Variants in GLRB observed in about 807,000 individuals in gnomAD.
GLRB encodes glycine receptor beta.
GLRB carries 33 observed loss-of-function variants against 54.2 expected under a neutral mutation model. The ratio of observed to expected loss-of-function variants is 0.61; its 90% CI spans 0.46 to 0.81. The LOEUF is 0.81. Ranked by LOEUF, GLRB falls within the 40% of genes least tolerant of loss-of-function variation. The probability of loss-of-function intolerance (pLI) is 0.00; values close to 1 mark genes in which losing one functional copy is unlikely to be tolerated. For synonymous variants in GLRB, 209 were observed against 208.2 expected, an observed-to-expected ratio of 1.00 and a Z score of -0.03; for missense variants, 572 against 584.6, an observed-to-expected ratio of 0.98 and a Z score of 0.22.
chr4:157,114,573 G>A (rs1735538690), intron 2 of GLRB, among the ~76,000 whole-genome samples: 2 of 151,572 alleles, frequency 1.3e-5, no homozygotes, highest in East Asian at 1.9e-4. Flanking sequence ...TTTACCTTAA[G>A]TCGTTTTCTG....
At chr4:157,154,663 G>A (rs1318895760) in intron 9 of GLRB, among the ~76,000 whole-genome samples, 2 of 151,980 alleles carry the variant, frequency 1.3e-5, no homozygotes, top group African/African-American at 2.4e-5. Context: ...CTGACCTCAG[G>A]TGATCCGCCC....
chr4:157,103,939 T>G (rs1328099040), intron 2 of GLRB, among the ~76,000 whole-genome samples: 5 of 148,626 alleles, frequency 3.4e-5, no homozygotes, highest in African/African-American at 7.4e-5. Flanking sequence ...GTGTGTGTGT[T>G]TGTGTGTGTG....
At chr4:157,084,835 A>T (rs1046813381) in intron 2 of GLRB, 5 of 346,554 alleles carry the variant, frequency 1.4e-5, no homozygotes, top group Non-Finnish European at 2.2e-5. Flanking sequence ...TCTTCTATTC[A>T]TTAAGAGATG....
intron 2 of GLRB, among the ~76,000 whole-genome samples, chr4:157,109,808 A>T (rs758521627): frequency 2.0e-5 from 3 of 151,968 alleles, no homozygotes; most frequent in Non-Finnish European, 4.4e-5. Flanking sequence ...TTACCCATTT[A>T]TTGTGAAGGA....
intron 4 of GLRB, among the ~76,000 whole-genome samples, chr4:157,123,361 G>A (rs1361448346): frequency 6.6e-6 from 1 of 151,696 alleles, no homozygotes; most frequent in South Asian, 2.1e-4. Flanking sequence ...ATTATTCCTA[G>A]TAGCAGCAGC....
chr4:157,104,617 A>G (rs1208336982), intron 2 of GLRB, among the ~76,000 whole-genome samples: 3 of 151,842 alleles, frequency 2.0e-5, no homozygotes, highest in Admixed American at 2.0e-4. Context: ...TTTCTGGAAG[A>G]TTTTGAGAAG....
rs370084715 is a variant in GLRB, at chr4:157,169,146, A to G, written c.1198-1286A>G. 9.9e-5 allele frequency among the ~76,000 whole-genome samples: 15 copies of G among 152,238 alleles called. No individual in the cohort carries two copies. The East Asian group carries it at 2.3e-3, about 23-fold the overall frequency. On this transcript the variant is annotated intron_variant, in intron 9 of 9. Coordinates refer to ENST00000264428, the MANE Select transcript of GLRB (RefSeq NM_000824.5). ...GTAAATAGAATCTATAGAATTAGTC[A>G]ATGTATTAATTATATTAATAAAGCA... is the stretch of plus-strand genomic sequence containing the variant.
intron 9 of GLRB, among the ~76,000 whole-genome samples, chr4:157,155,317 G>T (rs1737185158): frequency 1.3e-5 from 2 of 152,088 alleles, no homozygotes; most frequent in African/African-American, 4.8e-5. Context: ...TTTTAGTAGA[G>T]ACAGGGTTTC....
intron 2 of GLRB, among the ~76,000 whole-genome samples, chr4:157,083,980 C>G (rs1301014288): frequency 6.6e-6 from 1 of 151,908 alleles, no homozygotes; most frequent in Non-Finnish European, 1.5e-5. Flanking sequence ...TAATAAATGC[C>G]TGCCATAATT....
chr4:157,124,235 A>G (rs1242996906), intron 4 of GLRB, among the ~76,000 whole-genome samples: 2 of 151,720 alleles, frequency 1.3e-5, no homozygotes, highest in African/African-American at 4.8e-5. Flanking sequence ...ATAAATTCTC[A>G]CCATGGAGTC....
rs539866602 is a variant in GLRB at position 157,170,951 on chromosome 4, A to G, written c.*223A>G. On this transcript the variant is annotated 3_prime_UTR_variant, in exon 10 of 10. Coordinates refer to ENST00000264428, the MANE Select transcript of GLRB (RefSeq NM_000824.5). The stretch of plus-strand genomic sequence containing the variant: ...TATATGTATAGTGAACATATTGCTT[A>G]GTAACAAATGAAGGACAAGCATACT... 7 of 406,552 alleles carry G rather than the reference A, an allele frequency of 1.7e-5. No individual in the cohort carries two copies. Among genetic ancestry groups the G allele is most frequent in the Admixed American group, 8.0e-5 (2 of 24,874 alleles). The allele number at this position is 406,552 out of a possible 1,614,324, so 25.2% of individuals were successfully genotyped here. A position where few individuals can be genotyped will look rare whatever the true frequency, so the allele number is the denominator to read the frequency against.
At chr4:157,168,549 G>A (rs1197191205) in intron 9 of GLRB, among the ~76,000 whole-genome samples, 1 of 152,060 alleles carries the variant, frequency 6.6e-6, no homozygotes, top group African/African-American at 2.4e-5. Flanking sequence ...ACAAGGATGG[G>A]ACTATGTTTC....
intron 8 of GLRB, among the ~76,000 whole-genome samples, chr4:157,147,070 A>G (rs1354320131): frequency 6.6e-6 from 1 of 152,178 alleles, no homozygotes; most frequent in South Asian, 2.1e-4. Flanking sequence ...TAAGGTTCCA[A>G]TGTCAGTTAG....
In GLRB at chr4:157,082,456, T is replaced by G. The variant is rs149181842; in HGVS notation, c.122+4310T>G. 3.2e-3 allele frequency among the ~76,000 whole-genome samples: 488 copies of G among 152,252 alleles called. 4 individuals carry two copies. The highest frequency in any genetic ancestry group is 0.011 in the African/African-American group (458 of 41,552). ...CTCCTGGCACAAAATATACATATAA[T>G]AAAAATTTATTTAATGAAGTGAATA... On this transcript the variant is annotated intron_variant, in intron 2 of 9. Transcript: ENST00000264428.
chr4:157,161,471 G>A (rs959134330), intron 9 of GLRB, among the ~76,000 whole-genome samples: 4 of 152,194 alleles, frequency 2.6e-5, no homozygotes, highest in African/African-American at 4.8e-5. Flanking sequence ...GCTGGTACAG[G>A]TTGTTCCTTT....
chr4:157,119,785 G>A (rs1475650839), intron 2 of GLRB, among the ~76,000 whole-genome samples: 1 of 151,632 alleles, frequency 6.6e-6, no homozygotes, highest in African/African-American at 2.4e-5. Context: ...CACTGTTGGG[G>A]GACTGTAAAC....
intron 2 of GLRB, among the ~76,000 whole-genome samples, chr4:157,116,368 T>G (rs753875776): frequency 2.1e-4 from 32 of 151,818 alleles, no homozygotes; most frequent in Non-Finnish European, 4.1e-4. Flanking sequence ...CTTTTTAATA[T>G]ATTGGAATTG....
At chr4:157,086,041 A>G (rs1343260620) in intron 2 of GLRB, among the ~76,000 whole-genome samples, 3 of 152,238 alleles carry the variant, frequency 2.0e-5, no homozygotes, top group African/African-American at 7.2e-5. Flanking sequence ...ATCATAGCTC[A>G]TTGCAACCTC....
chr4:157,084,721 A>C, intron 2 of GLRB: 2 of 456,106 alleles, frequency 4.4e-6, no homozygotes, highest in South Asian at 3.1e-5. Flanking sequence ...ATGTACTAAG[A>C]AGGGTAGGTT....
Sources: gnomAD v4.1 joint callset for allele counts (sites outside exome capture counted in the v4.1 genomes callset) on GRCh38, gnomAD v4.1.1 for gene constraint, MANE v1.5 for transcripts, NCBI Gene and HGNC (gene_info 2026-07-23, HGNC 2026-07-21) for gene names.